ERBB4: variants seen among roughly 807,000 people sequenced by gnomAD.
The protein encoded by ERBB4 is receptor tyrosine-protein kinase erbB-4.
Under a neutral mutation model 158.0 loss-of-function variants are expected in ERBB4, and 42 were observed. That is an observed-to-expected ratio of 0.27 (90% confidence interval 0.21 to 0.34). The LOEUF is 0.34. Ranked by LOEUF, ERBB4 falls within the 10% of genes least tolerant of loss-of-function variation. The pLI, the probability that ERBB4 is intolerant of heterozygous loss-of-function variation, is 1.00. For missense variants in ERBB4, 1,333 were observed against 1,624.1 expected (o/e 0.82, Z 3.08); for synonymous variants, 583 against 558.7 (o/e 1.04, Z -0.61).
intron 2 of ERBB4, among the ~76,000 whole-genome samples, chr2:212,111,992 C>T (rs1357427128): frequency 1.3e-5 from 2 of 152,098 alleles, no homozygotes; most frequent in Non-Finnish European, 2.9e-5. Context: ...AGTCAGTAAA[C>T]ATCTGCTGAA....
chr2:211,973,501 G>A (rs77994829), intron 2 of ERBB4, among the ~76,000 whole-genome samples: 3,950 of 151,950 alleles, frequency 0.026, 174 homozygotes, highest in African/African-American at 0.091. Flanking sequence ...GTGCCCAGCC[G>A]GGAAATTAAA....
intron 1 of ERBB4, among the ~76,000 whole-genome samples, chr2:212,248,786 A>T (rs2084406128): frequency 6.6e-6 from 1 of 151,130 alleles, no homozygotes. Context: ...ACTGCTGCTG[A>T]TTCTTAGGAA....
chr2:212,037,989 CA>C (rs1384431621), intron 2 of ERBB4, among the ~76,000 whole-genome samples: 1 of 152,010 alleles, frequency 6.6e-6, no homozygotes, highest in South Asian at 2.1e-4. Flanking sequence ...ATTTATTTCA[CA>C]AAAAGTATTG....
rs532587434 is a variant in ERBB4 at position 211,958,212 on chromosome 2, T to G, written c.235-10596A>C. On this transcript the variant is annotated intron_variant, in intron 2 of 27. Transcript: ENST00000342788. Reference sequence around the variant, plus strand: ...AAATATTTGCTTTAGTCATCTCCTCTAGTGACAACAAGGTCTGATGTTACT... The same window carrying G: ...AAATATTTGCTTTAGTCATCTCCTCGAGTGACAACAAGGTCTGATGTTACT... Among the ~76,000 whole-genome samples the G allele has an allele frequency of 1.2e-4, 18 of 152,270 alleles. No individual in the cohort carries two copies. The South Asian group carries it at 2.3e-3, about 19-fold the overall frequency.
chr2:211,800,105 G>T (rs1446436843), intron 3 of ERBB4, among the ~76,000 whole-genome samples: 1 of 152,104 alleles, frequency 6.6e-6, no homozygotes, highest in Admixed American at 6.5e-5. Context: ...CATAGTAAGT[G>T]AGACACACAA....
intron 1 of ERBB4, among the ~76,000 whole-genome samples, chr2:212,212,741 C>T (rs2082977631): frequency 6.6e-6 from 1 of 151,980 alleles, no homozygotes; most frequent in Non-Finnish European, 1.5e-5. Context: ...TGGAGCAGAA[C>T]AGAGACCTCA....
intron 4 of ERBB4, among the ~76,000 whole-genome samples, chr2:211,754,221 G>C (rs2075226836): frequency 6.8e-6 from 1 of 147,826 alleles, no homozygotes; most frequent in Admixed American, 6.8e-5. Flanking sequence ...GTGTGAATTA[G>C]TTTTATAAAC....
intron 20 of ERBB4, among the ~76,000 whole-genome samples, chr2:211,559,266 A>G (rs1428446404): frequency 2.0e-5 from 3 of 152,098 alleles, no homozygotes; most frequent in South Asian, 4.1e-4. Flanking sequence ...CTTCATTTTC[A>G]TTCTTATATC....
chr2:212,007,620 G>A (rs2076288671), intron 2 of ERBB4, among the ~76,000 whole-genome samples: 1 of 151,578 alleles, frequency 6.6e-6, no homozygotes, highest in Non-Finnish European at 1.5e-5. Flanking sequence ...TTACATTATT[G>A]GACATAAAGT....
At chr2:211,904,451 C>G (rs1191114962) in intron 3 of ERBB4, among the ~76,000 whole-genome samples, 1 of 152,050 alleles carries the variant, frequency 6.6e-6, no homozygotes, top group Non-Finnish European at 1.5e-5. Flanking sequence ...ACTAATGGAA[C>G]TTTAGCAAAT....
At chr2:212,299,224 T>C (rs1408671492) in intron 1 of ERBB4, among the ~76,000 whole-genome samples, 2 of 151,664 alleles carry the variant, frequency 1.3e-5, no homozygotes, top group East Asian at 3.9e-4. Context: ...CCCTACATTA[T>C]AAATGAGGCA....
chr2:212,029,873 C>G (rs1021179794), intron 2 of ERBB4, among the ~76,000 whole-genome samples: 2 of 152,108 alleles, frequency 1.3e-5, no homozygotes, highest in African/African-American at 2.4e-5. Context: ...CAGTCAAATT[C>G]TACAATCCCC....
chr2:212,049,947 G>T (rs1056533485), intron 2 of ERBB4, among the ~76,000 whole-genome samples: 2 of 152,038 alleles, frequency 1.3e-5, no homozygotes, highest in African/African-American at 2.4e-5. Context: ...TACGTGTCAT[G>T]ATTTATCTTT....
At chr2:211,424,528 A>G (rs2063584051) in intron 22 of ERBB4, among the ~76,000 whole-genome samples, 1 of 152,068 alleles carries the variant, frequency 6.6e-6, no homozygotes. Context: ...TCTAATGGAT[A>G]GAAGAGACAA....
intron 1 of ERBB4, among the ~76,000 whole-genome samples, chr2:212,192,390 C>T (rs1192666644): frequency 1.3e-5 from 2 of 151,628 alleles, no homozygotes; most frequent in African/African-American, 4.8e-5. Context: ...AGTTATTTAT[C>T]TCAGTTGTCT....
chr2:211,864,504 G>C (rs112979719), intron 3 of ERBB4, among the ~76,000 whole-genome samples: 4 of 151,954 alleles, frequency 2.6e-5, no homozygotes, highest in Admixed American at 1.3e-4. Flanking sequence ...ATGATACCAG[G>C]GTCTGAAAAG....
At chr2:211,698,450 A>T (rs1428331734) in intron 12 of ERBB4, among the ~76,000 whole-genome samples, 1 of 151,970 alleles carries the variant, frequency 6.6e-6, no homozygotes, top group Non-Finnish European at 1.5e-5. Context: ...GATCCTATTC[A>T]TATACGAAAA....
intron 19 of ERBB4, among the ~76,000 whole-genome samples, chr2:211,562,943 T>G (rs1348648042): frequency 6.6e-6 from 1 of 151,938 alleles, no homozygotes; most frequent in African/African-American, 2.4e-5. Flanking sequence ...GGCTAATGTT[T>G]TGTATTTTTA....
intron 20 of ERBB4, among the ~76,000 whole-genome samples, chr2:211,468,927 A>AC (rs991020854): frequency 1.3e-5 from 2 of 151,592 alleles, no homozygotes; most frequent in African/African-American, 4.8e-5. Context: ...CAAAAAAAAA[A>AC]AAAAAACCCT....
Sources: allele counts gnomAD v4.1 joint callset (sites outside exome capture counted in the v4.1 genomes callset), GRCh38; gene constraint gnomAD v4.1.1; transcripts MANE v1.5; gene names NCBI Gene and HGNC (gene_info 2026-07-23, HGNC 2026-07-21).